Variants in LGSN observed in about 807,000 individuals in gnomAD.
LGSN encodes the protein lengsin, lens protein with glutamine synthetase domain, also known as lengsin.
A neutral mutation model predicts 19.5 loss-of-function variants in LGSN; 21 were observed. That is an observed-to-expected ratio of 1.07 (90% CI 0.76 to 1.55). LGSN has a LOEUF of 1.55. Among genes scored for constraint, LGSN ranks in the 40% most tolerant of loss-of-function variants. LGSN has a pLI of 0.00. For missense variants in LGSN, 673 were observed against 608.5 expected, an observed-to-expected ratio of 1.11 and a Z score of -1.12; for synonymous variants, 257 against 215.6, an observed-to-expected ratio of 1.19 and a Z score of -1.68.
At chr6:63,543,198 G>T in the LGSN span, among the ~76,000 whole-genome samples, 1 of 152,148 alleles carries the variant, frequency 6.6e-6, no homozygotes, top group Non-Finnish European at 1.5e-5. Context: ...CAGTTTGCCA[G>T]ACTTGTCCCT....
chr6:63,291,662 T>G (rs1264844485), intron 2 of LGSN, among the ~76,000 whole-genome samples: 1 of 152,180 alleles, frequency 6.6e-6, no homozygotes, highest in Non-Finnish European at 1.5e-5. Context: ...AACAGAAATG[T>G]CTGTTCCTAT....
chr6:63,467,884 G>A, the LGSN span, among the ~76,000 whole-genome samples: 12 of 152,082 alleles, frequency 7.9e-5, no homozygotes, highest in South Asian at 6.2e-4. Flanking sequence ...TAGAAATGGC[G>A]TCTCACCATG....
the LGSN span, among the ~76,000 whole-genome samples, chr6:63,335,497 A>G: frequency 1.3e-5 from 2 of 152,354 alleles, no homozygotes; most frequent in Admixed American, 1.3e-4. Flanking sequence ...TGGGCAAACG[A>G]CATGAATAGA....
At chr6:63,404,677 T>G in the LGSN span, among the ~76,000 whole-genome samples, 24 of 152,242 alleles carry the variant, frequency 1.6e-4, no homozygotes, top group Admixed American at 8.5e-4. Flanking sequence ...CATGAGGGGA[T>G]CACCAAAGGC....
At chr6:63,325,660 C>T in the LGSN span, among the ~76,000 whole-genome samples, 2 of 152,144 alleles carry the variant, frequency 1.3e-5, no homozygotes, top group African/African-American at 2.4e-5. Context: ...CAGACCCTCA[C>T]GGTGAGTGTT....
chr6:63,510,922 G>T, the LGSN span, among the ~76,000 whole-genome samples: 1 of 152,012 alleles, frequency 6.6e-6, no homozygotes, highest in African/African-American at 2.4e-5. Context: ...TGATCATCCT[G>T]CCTCTGCCTC....
chr6:63,328,604 A>G, the LGSN span, among the ~76,000 whole-genome samples: 3 of 152,200 alleles, frequency 2.0e-5, no homozygotes, highest in Non-Finnish European at 4.4e-5. Context: ...TACTACATCA[A>G]TTTCCTTACT....
chr6:63,549,333 T>C, the LGSN span: 20 of 753,906 alleles, frequency 2.7e-5, no homozygotes, highest in Non-Finnish European at 3.6e-5. Flanking sequence ...CCTGATATAG[T>C]GGGGGCCATT....
the LGSN span, among the ~76,000 whole-genome samples, chr6:63,328,906 C>A: frequency 5.3e-5 from 8 of 152,200 alleles, no homozygotes; most frequent in South Asian, 2.1e-4. Flanking sequence ...TTCCAAGGAA[C>A]CCCTTCAACT....
chr6:63,521,179 T>G, the LGSN span, among the ~76,000 whole-genome samples: 14 of 152,042 alleles, frequency 9.2e-5, no homozygotes, highest in East Asian at 2.7e-3. Flanking sequence ...TGTATACCTA[T>G]GTAACAAACC....
the LGSN span, among the ~76,000 whole-genome samples, chr6:63,359,098 T>G: frequency 6.6e-6 from 1 of 152,156 alleles, no homozygotes; most frequent in Non-Finnish European, 1.5e-5. Context: ...AATCATGTGG[T>G]TTTTGTCGTT....
the LGSN span, among the ~76,000 whole-genome samples, chr6:63,331,850 C>A: frequency 6.6e-6 from 1 of 152,098 alleles, no homozygotes; most frequent in Non-Finnish European, 1.5e-5. Context: ...CAAGAAAAAT[C>A]GGATTTAGTG....
At chr6:63,355,077 G>A in the LGSN span, among the ~76,000 whole-genome samples, 1 of 152,086 alleles carries the variant, frequency 6.6e-6, no homozygotes, top group Non-Finnish European at 1.5e-5. Flanking sequence ...AAACAACAAT[G>A]TATTGTATAG....
the LGSN span, among the ~76,000 whole-genome samples, chr6:63,446,252 A>AC: frequency 6.6e-6 from 1 of 151,204 alleles, no homozygotes. Context: ...TCAAAAAAAA[A>AC]AAAAAAAAAA....
At chr6:63,324,051 C>G (rs112976146), upstream of LGSN, among the ~76,000 whole-genome samples, 3 of 152,074 alleles carry the variant, frequency 2.0e-5, no homozygotes, top group African/African-American at 7.2e-5. Flanking sequence ...GGATGACAGG[C>G]GTGAGCCACC....
chr6:63,396,280 T>C, the LGSN span: 1 of 180,992 alleles, frequency 5.5e-6, no homozygotes, highest in Non-Finnish European at 1.2e-5. Flanking sequence ...TCCACCAGGA[T>C]GAATCAGCTG....
the LGSN span, among the ~76,000 whole-genome samples, chr6:63,487,079 C>G: frequency 6.6e-6 from 1 of 152,048 alleles, no homozygotes; most frequent in Non-Finnish European, 1.5e-5. Context: ...AAGTGATCCA[C>G]CTGTTTCGGC....
chr6:63,360,662 G>A, the LGSN span, among the ~76,000 whole-genome samples: 1 of 152,222 alleles, frequency 6.6e-6, no homozygotes, highest in Non-Finnish European at 1.5e-5. Context: ...ACTCATCAAA[G>A]TCATTCTCCG....
At chr6:63,465,026 C>CAA in the LGSN span, among the ~76,000 whole-genome samples, 813 of 123,564 alleles carry the variant, frequency 6.6e-3, 4 homozygotes, top group Middle Eastern at 0.017. Context: ...GATTCTGTCT[C>CAA]AAAAAAAAAA....
Sources: allele counts gnomAD v4.1 joint callset (sites outside exome capture counted in the v4.1 genomes callset), GRCh38; gene constraint gnomAD v4.1.1; transcripts MANE v1.5; gene names NCBI Gene and HGNC (gene_info 2026-07-23, HGNC 2026-07-21).